The following SCOC variants were observed in gnomAD, a reference collection of about 807,000 sequenced individuals.
SCOC encodes the protein short coiled-coil protein.
SCOC carries 7 observed loss-of-function variants against 9.9 expected under a neutral mutation model. That is an observed-to-expected ratio of 0.71 (90% CI 0.40 to 1.33). SCOC has a LOEUF of 1.33. Among genes scored for constraint, SCOC ranks in the 40% most tolerant of loss-of-function variants. SCOC has a pLI of 0.01. For synonymous variants in SCOC, 19 were observed against 28.2 expected, an observed-to-expected ratio of 0.67 and a Z score of 1.03; for missense variants, 66 against 89.7, an observed-to-expected ratio of 0.74 and a Z score of 1.07.
At chr4:140,293,326 A>G (rs73855716) in intron 1 of SCOC, 313 of 456,794 alleles carry the variant, frequency 6.9e-4, no homozygotes, top group African/African-American at 5.7e-3. Flanking sequence ...GCTTATCTTT[A>G]CTGCCTGTTT....
chr4:140,278,500 T>C (rs1731033704), intron 1 of SCOC, among the ~76,000 whole-genome samples: 1 of 152,058 alleles, frequency 6.6e-6, no homozygotes, highest in Admixed American at 6.5e-5. Context: ...GGGGTTTCAC[T>C]GTGTTAGCCA....
At chr4:140,292,574 AACATATTCCTG>A (rs1346096384) in intron 1 of SCOC, among the ~76,000 whole-genome samples, 1 of 152,144 alleles carries the variant, frequency 6.6e-6, no homozygotes, top group African/African-American at 2.4e-5. Context: ...TATGAAACCC[AACATATTCCTG>A]ACTGAAGTAT....
chr4:140,298,191 G>A (rs896059221), intron 1 of SCOC, among the ~76,000 whole-genome samples: 2 of 152,178 alleles, frequency 1.3e-5, no homozygotes, highest in African/African-American at 4.8e-5. Flanking sequence ...GGTTCACCAG[G>A]TGGCTGCTGA....
chr4:140,357,043 C>G (rs1199529944), intron 2 of SCOC, among the ~76,000 whole-genome samples: 1 of 152,172 alleles, frequency 6.6e-6, no homozygotes, highest in African/African-American at 2.4e-5. Flanking sequence ...AATCTCGGCT[C>G]ACTGCAACCT....
intron 1 of SCOC, chr4:140,293,239 G>C (rs961496083): frequency 2.2e-6 from 1 of 450,666 alleles, no homozygotes; most frequent in Non-Finnish European, 4.4e-6. Flanking sequence ...TAGGTGCCAG[G>C]GAATAACCAT....
chr4:140,272,761 AG>A (rs974752604), intron 1 of SCOC, among the ~76,000 whole-genome samples: 1 of 152,118 alleles, frequency 6.6e-6, no homozygotes, highest in African/African-American at 2.4e-5. Flanking sequence ...GGAAGTGGAA[AG>A]ATATTAAGTG....
intron 2 of SCOC, among the ~76,000 whole-genome samples, chr4:140,354,509 CTTT>C (rs397878492): frequency 4.8e-5 from 5 of 103,710 alleles, no homozygotes; most frequent in East Asian, 3.1e-4. Context: ...TCTCAAAGAA[CTTT>C]TTTTTTTTTT....
At chr4:140,266,457 T>G (rs758552717) in intron 1 of SCOC, among the ~76,000 whole-genome samples, 3 of 152,150 alleles carry the variant, frequency 2.0e-5, no homozygotes, top group Non-Finnish European at 4.4e-5. Flanking sequence ...TCAGGAGTCT[T>G]CGTTTTATAA....
upstream of SCOC, among the ~76,000 whole-genome samples, chr4:140,372,386 A>T (rs945672510): frequency 6.6e-6 from 1 of 152,200 alleles, no homozygotes; most frequent in Admixed American, 6.5e-5. Flanking sequence ...TAGAATTCTT[A>T]TATTAATCCT....
At chr4:140,320,345 A>G (rs1403399501) in intron 1 of SCOC, among the ~76,000 whole-genome samples, 2 of 152,230 alleles carry the variant, frequency 1.3e-5, no homozygotes, top group African/African-American at 4.8e-5. Flanking sequence ...ATCAAGAACC[A>G]TAAAAATGGG....
At chr4:140,380,074 G>A (rs1453028233) in intron 3 of SCOC, among the ~76,000 whole-genome samples, 4 of 152,048 alleles carry the variant, frequency 2.6e-5, no homozygotes, top group African/African-American at 9.7e-5. Flanking sequence ...GAAATTAAGA[G>A]GTTGTGTTTT....
intron 1 of SCOC, chr4:140,285,395 T>C (rs1578769506): frequency 2.4e-6 from 1 of 412,780 alleles, no homozygotes; most frequent in Admixed American, 2.6e-5. Flanking sequence ...TGGGAGAGAG[T>C]GTACTTATTT....
chr4:140,369,470 A>T (rs1727947110), upstream of SCOC: 6 of 262,708 alleles, frequency 2.3e-5, no homozygotes, highest in South Asian at 2.0e-4. Context: ...GTTATACTTG[A>T]AAGTTATCAA....
intron 1 of SCOC, among the ~76,000 whole-genome samples, chr4:140,322,178 C>G (rs187027217): frequency 1.4e-4 from 22 of 152,060 alleles, no homozygotes; most frequent in Non-Finnish European, 2.6e-4. Flanking sequence ...GAAATTGGTA[C>G]GAGAGGAGTG....
chr4:140,362,301 T>TCCTCTTCCTCTTCCTC, intron 2 of SCOC, among the ~76,000 whole-genome samples: 3 of 29,410 alleles, frequency 1.0e-4, no homozygotes, highest in Non-Finnish European at 2.2e-4. Flanking sequence ...TTCTTCTTCT[T>TCCTCTTCCTCTTCCTC]TTTTTTTTTT....
intron 1 of SCOC, among the ~76,000 whole-genome samples, chr4:140,306,720 C>T (rs1311457556): frequency 6.6e-6 from 1 of 152,146 alleles, no homozygotes; most frequent in East Asian, 1.9e-4. Flanking sequence ...GCTAGGATTT[C>T]CCTCTGGCCT....
intron 1 of SCOC, among the ~76,000 whole-genome samples, chr4:140,318,966 C>T (rs1043147245): frequency 1.3e-5 from 2 of 152,112 alleles, no homozygotes; most frequent in Non-Finnish European, 2.9e-5. Context: ...CTTTTTTCTA[C>T]TCTAGGAAGC....
At chr4:140,294,313 CATA>C (rs1731560659) in intron 1 of SCOC, among the ~76,000 whole-genome samples, 1 of 152,202 alleles carries the variant, frequency 6.6e-6, no homozygotes, top group Non-Finnish European at 1.5e-5. Context: ...CAGTAACCTG[CATA>C]ATAATTCTCA....
At chr4:140,271,119 G>A (rs1188245965) in intron 1 of SCOC, among the ~76,000 whole-genome samples, 1 of 152,198 alleles carries the variant, frequency 6.6e-6, no homozygotes, top group Admixed American at 6.5e-5. Context: ...GAAGCAATGA[G>A]AAGGAGGAGG....
Sources: allele counts gnomAD v4.1 joint callset (sites outside exome capture counted in the v4.1 genomes callset), GRCh38; gene constraint gnomAD v4.1.1; transcripts MANE v1.5; gene names NCBI Gene and HGNC (gene_info 2026-07-23, HGNC 2026-07-21).